Variants in CCSER1 observed in about 807,000 individuals in gnomAD.
The protein encoded by CCSER1 is serine-rich coiled-coil domain-containing protein 1.
Under a neutral mutation model 82.0 loss-of-function variants are expected in CCSER1, and 41 were observed. The observed-to-expected ratio is 0.50, with a 90% confidence interval of 0.39 to 0.65. The LOEUF is 0.65. Among genes scored for constraint, CCSER1 ranks in the 30% least tolerant of loss-of-function variants. The pLI is 0.00. For missense variants in CCSER1, 1,119 were observed against 1,064.2 expected (o/e 1.05, Z -0.72); for synonymous variants, 414 against 383.9 (o/e 1.08, Z -0.92).
chr4:90,498,821 T>A (rs1315696090), intron 5 of CCSER1, among the ~76,000 whole-genome samples: 1 of 152,100 alleles, frequency 6.6e-6, no homozygotes, highest in African/African-American at 2.4e-5. Flanking sequence ...TACTTACAAG[T>A]CTTATATTGT....
rs1330808631 is a variant in CCSER1 at position 90,309,133 on chromosome 4, C to T, written c.849C>T (p.His283=). The change falls in exon 2 of 11, where the codon CAC becomes CAT. Residue 283 remains histidine, a synonymous_variant. Coordinates refer to ENST00000509176, the MANE Select transcript of CCSER1 (RefSeq NM_001145065.2). ...CTAAAAGTGGAAGCATGGCATCCCACTGTGACAACTTTGGCCACAATGATT... is the reference window on the plus strand; with the variant it reads ...CTAAAAGTGGAAGCATGGCATCCCATTGTGACAACTTTGGCCACAATGATT... ...AFSKSGSMAS[H]CDNFGHNDST... is the part of the protein sequence containing the mutation. 1 of 1,613,918 alleles carries T rather than the reference C, an allele frequency of 6.2e-7. No individual in the cohort carries two copies. Among genetic ancestry groups the T allele is most frequent in the Admixed American group, 1.7e-5 (1 of 60,004 alleles).
At chr4:90,586,003 A>T (rs1288756517) in intron 5 of CCSER1, among the ~76,000 whole-genome samples, 1 of 152,180 alleles carries the variant, frequency 6.6e-6, no homozygotes, top group African/African-American at 2.4e-5. Context: ...GTCTACTTAG[A>T]TGTCCCAGAA....
At chr4:90,490,169 C>T (rs1287842113) in intron 5 of CCSER1, among the ~76,000 whole-genome samples, 1 of 152,134 alleles carries the variant, frequency 6.6e-6, no homozygotes, top group Non-Finnish European at 1.5e-5. Context: ...TTCTCCACAT[C>T]CTCTCCAGCA....
chr4:91,379,902 C>G (rs991023608), intron 10 of CCSER1, among the ~76,000 whole-genome samples: 2 of 152,166 alleles, frequency 1.3e-5, no homozygotes, highest in Admixed American at 6.5e-5. Flanking sequence ...AAATTTCCCT[C>G]TACACACTGC....
chr4:90,564,962 C>T (rs758120231), intron 5 of CCSER1, among the ~76,000 whole-genome samples: 1 of 151,664 alleles, frequency 6.6e-6, no homozygotes, highest in Non-Finnish European at 1.5e-5. Context: ...AGTATAATGT[C>T]TCTAACCTCA....
intron 3 of CCSER1, among the ~76,000 whole-genome samples, chr4:90,359,001 T>A (rs1035422539): frequency 6.6e-6 from 1 of 152,210 alleles, no homozygotes; most frequent in Admixed American, 6.5e-5. Flanking sequence ...AAAAATGTGA[T>A]GACAGTAATC....
At chr4:90,417,232 T>TA (rs1212229288) in intron 4 of CCSER1, among the ~76,000 whole-genome samples, 1 of 152,064 alleles carries the variant, frequency 6.6e-6, no homozygotes, top group Admixed American at 6.6e-5. Flanking sequence ...AAAAAAAATT[T>TA]AAAAAAACCA....
intron 6 of CCSER1, among the ~76,000 whole-genome samples, chr4:90,634,045 T>A (rs983507405): frequency 7.9e-5 from 12 of 151,724 alleles, no homozygotes; most frequent in African/African-American, 2.7e-4. Context: ...TTTCTTCTTT[T>A]TCTTAAATTT....
At chr4:90,512,793 G>T (rs536226288) in intron 5 of CCSER1, among the ~76,000 whole-genome samples, 3 of 151,976 alleles carry the variant, frequency 2.0e-5, no homozygotes, top group African/African-American at 7.3e-5. Flanking sequence ...GCTAATAATT[G>T]CAATAAGTCA....
intron 5 of CCSER1, among the ~76,000 whole-genome samples, chr4:90,567,845 G>C (rs941190306): frequency 2.6e-5 from 4 of 152,028 alleles, no homozygotes; most frequent in East Asian, 1.9e-4. Flanking sequence ...GGGCTCAAGT[G>C]ATCTGCCCGC....
At chr4:90,728,576 T>A (rs1039977953) in intron 7 of CCSER1, among the ~76,000 whole-genome samples, 4 of 152,126 alleles carry the variant, frequency 2.6e-5, no homozygotes, top group African/African-American at 9.7e-5. Context: ...GGCTCACCCC[T>A]CTAATTCCAG....
At chr4:91,100,548 C>T (rs984639946) in intron 10 of CCSER1, among the ~76,000 whole-genome samples, 23 of 152,236 alleles carry the variant, frequency 1.5e-4, no homozygotes, top group African/African-American at 5.1e-4. Context: ...CATTCCAAAT[C>T]GGTTCTGAGG....
chr4:91,480,632 A>G lies in CCSER1; in HGVS notation c.2218-117940A>G, dbSNP rs189801688. ...TTTGTTTTGCAAGAGCACTTCACAT[A>G]TCTCTGCCCAGTTCCAAAGTATAAC... On this transcript the variant is annotated intron_variant, in intron 10 of 10. Transcript: ENST00000509176. Among the ~76,000 whole-genome samples the G allele has an allele frequency of 1.3e-3, 200 of 152,334 alleles. 1 individual carries two copies. The highest frequency in any genetic ancestry group is 4.5e-3 in the African/African-American group (188 of 41,586).
intron 5 of CCSER1, among the ~76,000 whole-genome samples, chr4:90,469,830 A>G (rs2153589336): frequency 6.6e-6 from 1 of 152,244 alleles, no homozygotes; most frequent in South Asian, 2.1e-4. Flanking sequence ...TGCAGGTTGA[A>G]TGTCCCTTAT....
chr4:90,217,277 G>T (rs1741223114), intron 1 of CCSER1, among the ~76,000 whole-genome samples: 1 of 152,044 alleles, frequency 6.6e-6, no homozygotes, highest in Admixed American at 6.6e-5. Flanking sequence ...GCTCACTGCA[G>T]CCTCCACCTC....
At chr4:90,273,355 TTGAA>T (rs1015914554) in intron 1 of CCSER1, among the ~76,000 whole-genome samples, 5 of 152,030 alleles carry the variant, frequency 3.3e-5, no homozygotes, top group Admixed American at 2.6e-4. Context: ...TTAAAGATAA[TTGAA>T]AGAATATAAT....
intron 5 of CCSER1, among the ~76,000 whole-genome samples, chr4:90,525,630 T>C (rs1773661534): frequency 6.6e-6 from 1 of 152,132 alleles, no homozygotes; most frequent in Admixed American, 6.6e-5. Flanking sequence ...CTTCCTACTA[T>C]TATTTTCAGA....
chr4:90,489,087 G>A (rs987601695), intron 5 of CCSER1, among the ~76,000 whole-genome samples: 1 of 152,110 alleles, frequency 6.6e-6, no homozygotes, highest in Admixed American at 6.6e-5. Context: ...AATACTATGG[G>A]TAGACAGTTT....
At chr4:91,331,505 C>T (rs781576776) in intron 10 of CCSER1, among the ~76,000 whole-genome samples, 1 of 152,060 alleles carries the variant, frequency 6.6e-6, no homozygotes, top group African/African-American at 2.4e-5. Context: ...TCCTTCCTGA[C>T]GCTTGCCTGC....
Sources: allele counts gnomAD v4.1 joint callset (sites outside exome capture counted in the v4.1 genomes callset), GRCh38; gene constraint gnomAD v4.1.1; transcripts MANE v1.5; gene names NCBI Gene and HGNC (gene_info 2026-07-23, HGNC 2026-07-21).